Variants in NRG3 observed in about 807,000 individuals in gnomAD.
NRG3 encodes the protein neuregulin 3.
Under a neutral mutation model 66.9 loss-of-function variants are expected in NRG3, and 31 were observed. The observed-to-expected ratio is 0.46, with a 90% confidence interval of 0.35 to 0.63. The LOEUF is 0.63. NRG3 is among the 20% of genes least tolerant of loss of function. The pLI is 0.00. For missense variants in NRG3, 910 were observed against 878.9 expected, an observed-to-expected ratio of 1.04 and a Z score of -0.45; for synonymous variants, 393 against 359.4, an observed-to-expected ratio of 1.09 and a Z score of -1.06.
chr10:82,086,705 G>C, intron 1 of NRG3, among the ~76,000 whole-genome samples: 1 of 152,010 alleles, frequency 6.6e-6, no homozygotes, highest in Non-Finnish European at 1.5e-5. Context: ...ATTGGATCTT[G>C]GGCAGGAAAA....
intron 1 of NRG3, among the ~76,000 whole-genome samples, chr10:82,254,118 G>A (rs930126085): frequency 2.0e-5 from 3 of 152,154 alleles, no homozygotes; most frequent in Non-Finnish European, 2.9e-5. Flanking sequence ...TCCTTTAAAG[G>A]ACCAACCATT....
intron 3 of NRG3, among the ~76,000 whole-genome samples, chr10:82,764,284 T>C (rs556962516): frequency 7.5e-4 from 114 of 152,164 alleles, no homozygotes; most frequent in Non-Finnish European, 1.4e-3. Context: ...ATCTGCCCGC[T>C]TCAGCTTTCT....
At chr10:82,746,915 G>A (rs1005322854) in intron 3 of NRG3, among the ~76,000 whole-genome samples, 2 of 151,938 alleles carry the variant, frequency 1.3e-5, no homozygotes, top group African/African-American at 2.4e-5. Context: ...CTTGTTTCTA[G>A]ACAAAAAAAT....
intron 1 of NRG3, among the ~76,000 whole-genome samples, chr10:81,957,062 C>G (rs1849906519): frequency 6.6e-6 from 1 of 152,172 alleles, no homozygotes; most frequent in Non-Finnish European, 1.5e-5. Context: ...TCACCAGTAA[C>G]ATGGTGCTTC....
At chr10:81,999,922 A>AGTC (rs1292784777) in intron 1 of NRG3, among the ~76,000 whole-genome samples, 1 of 152,222 alleles carries the variant, frequency 6.6e-6, no homozygotes, top group African/African-American at 2.4e-5. Context: ...TAGTTGCCTT[A>AGTC]GTCACATGAT....
chr10:82,214,329 A>C (rs1009755461), intron 1 of NRG3, among the ~76,000 whole-genome samples: 1 of 152,118 alleles, frequency 6.6e-6, no homozygotes, highest in African/African-American at 2.4e-5. Context: ...ACCAGCCAAT[A>C]ATACTGCTTC....
intron 3 of NRG3, among the ~76,000 whole-genome samples, chr10:82,785,159 G>T (rs371843335): frequency 4.7e-5 from 7 of 150,220 alleles, no homozygotes; most frequent in African/African-American, 7.3e-5. Flanking sequence ...AACAATGAGA[G>T]CACATGGACA....
At chr10:82,518,847 A>G (rs1845935281) in intron 2 of NRG3, among the ~76,000 whole-genome samples, 1 of 152,178 alleles carries the variant, frequency 6.6e-6, no homozygotes, top group Non-Finnish European at 1.5e-5. Context: ...ATGACACCTG[A>G]TACTAAAAAT....
At chr10:82,898,715 C>CTTTTTTTTTTTTTTTT (rs765058089) in intron 4 of NRG3, among the ~76,000 whole-genome samples, 1 of 89,398 alleles carries the variant, frequency 1.1e-5, no homozygotes, top group Admixed American at 1.4e-4. Flanking sequence ...GGAGTTTTAC[C>CTTTTTTTTTTTTTTTT]TTTTTTTTTT....
intron 2 of NRG3, among the ~76,000 whole-genome samples, chr10:82,442,725 C>A (rs1207047845): frequency 7.7e-6 from 1 of 129,346 alleles, no homozygotes; most frequent in South Asian, 2.5e-4. Context: ...TTATCAGAAA[C>A]AAAAAGTAAA....
intron 2 of NRG3, among the ~76,000 whole-genome samples, chr10:82,444,901 G>C (rs979530440): frequency 6.6e-6 from 1 of 152,172 alleles, no homozygotes; most frequent in Non-Finnish European, 1.5e-5. Context: ...AACCAACAAA[G>C]ATGGATTTGC....
At chr10:82,384,282 C>T (rs902452580) in intron 2 of NRG3, among the ~76,000 whole-genome samples, 1 of 151,446 alleles carries the variant, frequency 6.6e-6, no homozygotes, top group African/African-American at 2.4e-5. Flanking sequence ...TTATTTTCAA[C>T]TTTTATTGTA....
chr10:82,447,311 A>C (rs971764033), intron 2 of NRG3, among the ~76,000 whole-genome samples: 2 of 152,148 alleles, frequency 1.3e-5, no homozygotes, highest in Non-Finnish European at 2.9e-5. Context: ...GAGGCCAGGC[A>C]CAGTGGCCCA....
At chr10:82,457,401 C>T (rs191537833) in intron 2 of NRG3, among the ~76,000 whole-genome samples, 14 of 152,274 alleles carry the variant, frequency 9.2e-5, no homozygotes, top group East Asian at 7.7e-4. Flanking sequence ...GGTTCGCGCT[C>T]CTTTGAGAAT....
chr10:82,108,186 C>T lies in NRG3; in HGVS notation c.823+232023C>T, dbSNP rs148781693. Among the ~76,000 whole-genome samples the T allele has an allele frequency of 5.8e-3, 884 of 152,290 alleles. 11 individuals carry two copies. Among genetic ancestry groups the T allele is most frequent in the African/African-American group, 0.02 (835 of 41,556 alleles). ...CAATGCACAGTTAGAAAACATCTGGCTATTACAGATGATTTAGACTCATCT... is the reference window on the plus strand; with the variant it reads ...CAATGCACAGTTAGAAAACATCTGGTTATTACAGATGATTTAGACTCATCT... On this transcript the variant is annotated intron_variant, in intron 1 of 8. Transcript: ENST00000372141.
chr10:82,054,615 A>T (rs990719626), intron 1 of NRG3, among the ~76,000 whole-genome samples: 3 of 152,174 alleles, frequency 2.0e-5, no homozygotes, highest in Admixed American at 6.6e-5. Flanking sequence ...AGATCCAAAT[A>T]TTGAGCTCCA....
intron 2 of NRG3, among the ~76,000 whole-genome samples, chr10:82,424,645 A>C (rs1252835776): frequency 2.0e-5 from 3 of 152,010 alleles, no homozygotes; most frequent in Admixed American, 6.6e-5. Context: ...AATTTTGACA[A>C]AGTTAAATTT....
Position 82,536,552 on chromosome 10 carries a change from C to T in NRG3, c.953+177684C>T, listed in dbSNP as rs552533892. On this transcript the variant is annotated intron_variant, in intron 2 of 8. Transcript: ENST00000372141. ...AGGTTATGGTAATTTTTTTTGTTTG[C>T]TCGTACTCATTTTACAAGTGGTTAA... is the stretch of plus-strand genomic sequence containing the variant. Among the ~76,000 whole-genome samples the T allele has an allele frequency of 2.6e-4, 39 of 152,112 alleles. No homozygotes were observed. The South Asian group carries it at 8.1e-3, about 32-fold the overall frequency.
intron 3 of NRG3, among the ~76,000 whole-genome samples, chr10:82,850,765 TA>T (rs956382119): frequency 6.6e-6 from 1 of 151,478 alleles, no homozygotes; most frequent in African/African-American, 2.4e-5. Flanking sequence ...AAGTAAAATG[TA>T]AAGATAACAT....
Sources: gnomAD v4.1 joint callset for allele counts (sites outside exome capture counted in the v4.1 genomes callset) on GRCh38, gnomAD v4.1.1 for gene constraint, MANE v1.5 for transcripts, NCBI Gene and HGNC (gene_info 2026-07-23, HGNC 2026-07-21) for gene names.